TNIK: variants seen among roughly 807,000 people sequenced by gnomAD.
TNIK encodes the protein TRAF2 and NCK interacting kinase.
A neutral mutation model predicts 191.3 loss-of-function variants in TNIK; 49 were observed. The ratio of observed to expected loss-of-function variants is 0.26; its 90% CI spans 0.20 to 0.32. The LOEUF (loss-of-function observed/expected upper bound fraction) is 0.32, where lower values mean the gene tolerates loss of function less well. Ranked by LOEUF, TNIK falls within the 10% of genes least tolerant of loss-of-function variation. TNIK has a pLI of 1.00. For synonymous variants in TNIK, 594 were observed against 600.9 expected, an observed-to-expected ratio of 0.99 and a Z score of 0.17; for missense variants, 1,155 against 1,702.3, an observed-to-expected ratio of 0.68 and a Z score of 5.66.
chr3:171,403,611 C>CAAA (rs57982642), intron 1 of TNIK, among the ~76,000 whole-genome samples: 59 of 100,108 alleles, frequency 5.9e-4, no homozygotes, highest in African/African-American at 1.2e-3. Context: ...GACTCCGTAT[C>CAAA]AAAAAAAAAA....
At chr3:171,082,602 G>A in intron 26 of TNIK, 2 of 606,466 alleles carry the variant, frequency 3.3e-6, no homozygotes, top group Non-Finnish European at 5.3e-6. Flanking sequence ...CTTTTATAAA[G>A]TTAGCAGCAT....
intron 1 of TNIK, among the ~76,000 whole-genome samples, chr3:171,388,088 AC>A (rs1718975799): frequency 6.6e-6 from 1 of 152,234 alleles, no homozygotes; most frequent in Non-Finnish European, 1.5e-5. Context: ...CAGGAGTGAT[AC>A]AAAATAATTA....
chr3:171,228,334 G>GA, intron 2 of TNIK, 113 bp from the exon 3 acceptor site: 1 of 1,009,410 alleles, frequency 9.9e-7, no homozygotes, highest in East Asian at 2.5e-5. Flanking sequence ...TCAATGGGGG[G>GA]AGAGAGAAAG....
intron 1 of TNIK, among the ~76,000 whole-genome samples, chr3:171,425,799 G>A (rs1352594728): frequency 6.8e-6 from 1 of 146,496 alleles, no homozygotes; most frequent in East Asian, 2.0e-4. Context: ...CTGTACTACA[G>A]CCTGGGTGAC....
intron 2 of TNIK, among the ~76,000 whole-genome samples, chr3:171,356,040 C>A (rs1011436194): frequency 6.6e-6 from 1 of 152,106 alleles, no homozygotes; most frequent in Non-Finnish European, 1.5e-5. Context: ...ATACACCTGG[C>A]AAATATTTGC....
intron 2 of TNIK, among the ~76,000 whole-genome samples, chr3:171,356,330 C>T (rs1714063117): frequency 6.6e-6 from 1 of 152,036 alleles, no homozygotes; most frequent in Non-Finnish European, 1.5e-5. Flanking sequence ...GTAAGTAGCC[C>T]AAGGTATGCC....
chr3:171,213,266 G>A (rs1208274998), intron 3 of TNIK, among the ~76,000 whole-genome samples: 1 of 152,102 alleles, frequency 6.6e-6, no homozygotes, highest in African/African-American at 2.4e-5. Context: ...TGTAGGATGT[G>A]AGCGGATGTA....
chr3:171,403,640 A>G (rs1432302555), intron 1 of TNIK, among the ~76,000 whole-genome samples: 1 of 151,420 alleles, frequency 6.6e-6, no homozygotes, highest in Non-Finnish European at 1.5e-5. Context: ...AAAAGAAAAG[A>G]AAAGGGGGTG....
At position 171,093,845 on chromosome 3, in the gene TNIK, AATC is replaced by A; in HGVS notation, c.2712_2714del (p.Met904del). On this transcript the variant is annotated inframe_deletion, in exon 23 of 33. Transcript: ENST00000436636. Reference sequence around the variant, plus strand: ...AGTTTTTATACCAACTTACCTCTCTAATCATCAAGGTTCCTTCTCTTGAAATAC... The same window carrying A: ...AGTTTTTATACCAACTTACCTCTCTAATCAAGGTTCCTTCTCTTGAAATAC... 1 of 1,613,538 alleles carries A rather than the reference AATC, an allele frequency of 6.2e-7. No individual in the cohort carries two copies. Among genetic ancestry groups the A allele is most frequent in the Non-Finnish European group, 8.5e-7 (1 of 1,179,618 alleles).
intron 1 of TNIK, among the ~76,000 whole-genome samples, chr3:171,400,600 T>C (rs1017620400): frequency 7.1e-5 from 5 of 70,304 alleles, no homozygotes; most frequent in African/African-American, 3.1e-4. Context: ...ATAAATAAAG[T>C]GCTAGATCCA....
chr3:171,324,825 G>A (rs924929788), intron 2 of TNIK, among the ~76,000 whole-genome samples: 1 of 152,118 alleles, frequency 6.6e-6, no homozygotes, highest in Non-Finnish European at 1.5e-5. Context: ...AGGGCCGGGC[G>A]CGGTGGCTCA....
intron 1 of TNIK, among the ~76,000 whole-genome samples, chr3:171,449,196 AG>A (rs1248609775): frequency 6.6e-6 from 1 of 152,100 alleles, no homozygotes; most frequent in Non-Finnish European, 1.5e-5. Context: ...TATTGTGAAC[AG>A]TGCCATAATA....
At chr3:171,067,379 A>C (rs1189021541) in intron 30 of TNIK, among the ~76,000 whole-genome samples, 1 of 152,208 alleles carries the variant, frequency 6.6e-6, no homozygotes, top group East Asian at 1.9e-4. Flanking sequence ...TCATTAAAAA[A>C]AATCATTATT....
chr3:171,246,088 G>A (rs1048537830), intron 2 of TNIK, among the ~76,000 whole-genome samples: 7 of 152,146 alleles, frequency 4.6e-5, no homozygotes, highest in African/African-American at 7.2e-5. Flanking sequence ...GGAGGAAGAC[G>A]AGTGTGCTGC....
At chr3:171,282,828 TAAGA>T (rs978720482) in intron 2 of TNIK, among the ~76,000 whole-genome samples, 3 of 152,118 alleles carry the variant, frequency 2.0e-5, no homozygotes, top group Admixed American at 6.5e-5. Context: ...TACAAAACTC[TAAGA>T]AAGAGAAGGC....
chr3:171,450,620 T>C (rs748724519), intron 1 of TNIK, among the ~76,000 whole-genome samples: 8 of 152,220 alleles, frequency 5.3e-5, no homozygotes, highest in Non-Finnish European at 8.8e-5. Context: ...GACAAAGATA[T>C]GCAAACACAA....
chr3:171,075,404 G>A (rs1326929430), intron 28 of TNIK, among the ~76,000 whole-genome samples: 1 of 152,176 alleles, frequency 6.6e-6, no homozygotes, highest in African/African-American at 2.4e-5. Context: ...TTTATACTTT[G>A]CCAAATTATC....
intron 2 of TNIK, among the ~76,000 whole-genome samples, chr3:171,357,126 T>G (rs2108455880): frequency 6.6e-6 from 1 of 152,302 alleles, no homozygotes; most frequent in Admixed American, 6.5e-5. Context: ...TCTGTCATAT[T>G]AGATGGTAGG....
intron 22 of TNIK, among the ~76,000 whole-genome samples, chr3:171,096,510 C>T (rs9827202): frequency 0.2 from 30,618 of 152,052 alleles, 5,161 homozygotes; most frequent in African/African-American, 0.46. Flanking sequence ...TGCCCCAACT[C>T]CTAACTCTAC....
Sources: allele counts gnomAD v4.1 joint callset (sites outside exome capture counted in the v4.1 genomes callset), GRCh38; gene constraint gnomAD v4.1.1; transcripts MANE v1.5; gene names NCBI Gene and HGNC (gene_info 2026-07-23, HGNC 2026-07-21).